Variants in CHD6 observed in about 807,000 individuals in gnomAD.
CHD6 encodes ATP-dependent chromatin remodeler CHD6.
CHD6 carries 50 observed loss-of-function variants against 276.9 expected under a neutral mutation model. The ratio of observed to expected loss-of-function variants is 0.18; its 90% CI spans 0.14 to 0.23. The LOEUF (loss-of-function observed/expected upper bound fraction) is 0.23, where lower values mean the gene tolerates loss of function less well. Among genes scored for constraint, CHD6 ranks in the 10% least tolerant of loss-of-function variants. The pLI is 1.00. For missense variants in CHD6, 2,564 were observed against 3,365.8 expected, an observed-to-expected ratio of 0.76 and a Z score of 5.89; for synonymous variants, 1,173 against 1,229.3, an observed-to-expected ratio of 0.95 and a Z score of 0.96.
At position 41,420,809 on chromosome 20, in the gene CHD6, G is replaced by A; in HGVS notation, c.5826C>T (p.His1942=). 6.2e-7 allele frequency: 1 copy of A among 1,614,186 alleles called. No homozygotes were observed. The highest frequency in any genetic ancestry group is 8.5e-7 in the Non-Finnish European group (1 of 1,180,040). Reference sequence around the variant, plus strand: ...CGAGGCCATGCATCCACCTCTCCATGTGTTTGCAGTGGCACTGACAGGCTG... The same window carrying A: ...CGAGGCCATGCATCCACCTCTCCATATGTTTGCAGTGGCACTGACAGGCTG... ...APAACQCHCK[H]MERWMHGLEN... is the part of the protein sequence containing the mutation. Residue 1942 remains histidine (H), a synonymous_variant, in exon 31 of 37, where the codon CAC becomes CAT. Coordinates refer to ENST00000373233, the MANE Select transcript of CHD6 (RefSeq NM_032221.5).
chr20:41,587,774 C>CAGTCA (rs1387004064), intron 1 of CHD6, among the ~76,000 whole-genome samples: 1 of 152,056 alleles, frequency 6.6e-6, no homozygotes, highest in Non-Finnish European at 1.5e-5. Flanking sequence ...AACCCAAGAG[C>CAGTCA]AGTCAATGCC....
chr20:41,564,191 A>G (rs1224177717), intron 1 of CHD6: 1 of 665,084 alleles, frequency 1.5e-6, no homozygotes, highest in Non-Finnish European at 2.7e-6. Context: ...TGAAATGAGA[A>G]GCCATCTACA....
chr20:41,578,842 A>G (rs1429304833), intron 1 of CHD6, among the ~76,000 whole-genome samples: 1 of 151,032 alleles, frequency 6.6e-6, no homozygotes, highest in East Asian at 2.0e-4. Context: ...CAACCTAGAC[A>G]ACATAGCAAG....
intron 3 of CHD6, among the ~76,000 whole-genome samples, chr20:41,520,766 C>G (rs1420841538): frequency 2.6e-5 from 4 of 151,786 alleles, no homozygotes; most frequent in Non-Finnish European, 5.9e-5. Flanking sequence ...CACATGTATA[C>G]ATATGTAACT....
intron 18 of CHD6, among the ~76,000 whole-genome samples, chr20:41,456,367 A>C (rs1413392224): frequency 1.3e-5 from 2 of 151,996 alleles, no homozygotes; most frequent in East Asian, 1.9e-4. Flanking sequence ...AAGAACAATG[A>C]TTTATTCATT....
At chr20:41,467,920 T>C (rs760144473) in intron 17 of CHD6, among the ~76,000 whole-genome samples, 1 of 152,150 alleles carries the variant, frequency 6.6e-6, no homozygotes, top group Non-Finnish European at 1.5e-5. Context: ...TGTCCCATCC[T>C]GTGCTTCAGA....
intron 17 of CHD6, among the ~76,000 whole-genome samples, chr20:41,462,610 C>A (rs542590994): frequency 6.6e-6 from 1 of 152,064 alleles, no homozygotes; most frequent in African/African-American, 2.4e-5. Flanking sequence ...AGGAGGAAAA[C>A]TAAAATAAAC....
At chr20:41,512,815 CA>C in intron 5 of CHD6, 30 bp downstream of exon 5, 1 of 1,612,660 alleles carries the variant, frequency 6.2e-7, no homozygotes, top group South Asian at 1.1e-5. Flanking sequence ...ACTGTCCAGC[CA>C]AGGTCAGTAA....
chr20:41,470,712 C>A (rs1173727713), intron 17 of CHD6, among the ~76,000 whole-genome samples: 1 of 152,254 alleles, frequency 6.6e-6, no homozygotes, highest in Non-Finnish European at 1.5e-5. Flanking sequence ...GGTTGCTACA[C>A]ATATAAATCA....
chr20:41,499,116 GT>G lies in CHD6; in HGVS notation c.915+178del, dbSNP rs1460184908. 3.3e-5 allele frequency among the ~76,000 whole-genome samples: 5 copies of G among 152,026 alleles called. No individual in the cohort carries two copies. In the East Asian group the frequency reaches 7.7e-4, roughly 23 times the overall value. ...TTGAGCCATTCTAGATATTTTAAGA[GT>G]TTTATGTCCTAAAATGCTCTACAGG... On this transcript the variant is annotated intron_variant, in intron 6 of 36. Transcript: ENST00000373233.
chr20:41,452,698 C>T lies in CHD6; in HGVS notation c.3323+42G>A, dbSNP rs751550545. Reference sequence around the variant, plus strand: ...TCAGGGACTGAAAAACAGAGGGGAACAAACAACAATAACAACAAAACTAAG... The same window carrying T: ...TCAGGGACTGAAAAACAGAGGGGAATAAACAACAATAACAACAAAACTAAG... On this transcript the variant is annotated intron_variant, in intron 21 of 36. Transcript: ENST00000373233. This position sits in a 1 kb window ranked among gnomAD's most constrained non-coding sequence, Gnocchi z 4.2. 12 of 1,565,754 alleles carry T rather than the reference C, an allele frequency of 7.7e-6. No individual in the cohort carries two copies. Among genetic ancestry groups the T allele is most frequent in the Non-Finnish European group, 1.0e-5 (12 of 1,143,782 alleles).
intron 27 of CHD6, among the ~76,000 whole-genome samples, chr20:41,431,299 C>T (rs2047529787): frequency 6.6e-6 from 1 of 152,124 alleles, no homozygotes. Flanking sequence ...AGGGATGAAG[C>T]CATTGTTACT....
In CHD6 at chr20:41,555,805, C is replaced by T. The variant is rs1200525962; in HGVS notation, c.-23-4445G>A. Reference sequence around the variant, plus strand: ...GCAGAGGGGCTCCTCACGTCCCAGACGATGGGCGGCCAGGCAGAGACGCTC... The same window carrying T: ...GCAGAGGGGCTCCTCACGTCCCAGATGATGGGCGGCCAGGCAGAGACGCTC... On this transcript the variant is annotated intron_variant, in intron 1 of 36. Coordinates refer to ENST00000373233, the MANE Select transcript of CHD6 (RefSeq NM_032221.5). Among the ~76,000 whole-genome samples, 385 of 147,880 alleles carry T rather than the reference C, an allele frequency of 2.6e-3. 2 individuals are homozygous for T. The highest frequency in any genetic ancestry group is 4.3e-3 in the Non-Finnish European group (286 of 67,072).
intron 2 of CHD6, among the ~76,000 whole-genome samples, chr20:41,538,288 T>G (rs2044874812): frequency 6.6e-6 from 1 of 151,948 alleles, no homozygotes; most frequent in Non-Finnish European, 1.5e-5. Context: ...GAGGCGGAGG[T>G]TGCAGTGAGC....
At chr20:41,505,523 C>G (rs1262442395) in intron 5 of CHD6, among the ~76,000 whole-genome samples, 1 of 152,206 alleles carries the variant, frequency 6.6e-6, no homozygotes, top group Non-Finnish European at 1.5e-5. Context: ...GAGAAGAAAA[C>G]AGCCAGCCAT....
intron 17 of CHD6, among the ~76,000 whole-genome samples, chr20:41,460,778 A>G (rs987744903): frequency 6.6e-6 from 1 of 152,316 alleles, no homozygotes; most frequent in Admixed American, 6.5e-5. Context: ...GTGGGGTCGG[A>G]GCCCCCACAC....
At chr20:41,589,945 C>T (rs548608542) in intron 1 of CHD6, among the ~76,000 whole-genome samples, 24 of 152,236 alleles carry the variant, frequency 1.6e-4, no homozygotes, top group Admixed American at 9.8e-4. Flanking sequence ...GGAGGCATCA[C>T]GCTACCTGAC....
At chr20:41,424,207 C>T (rs1375252710) in intron 29 of CHD6, among the ~76,000 whole-genome samples, 1 of 152,206 alleles carries the variant, frequency 6.6e-6, no homozygotes, top group Admixed American at 6.5e-5. Flanking sequence ...ACCCCTGCCT[C>T]CCCATCTCAT....
intron 3 of CHD6, among the ~76,000 whole-genome samples, chr20:41,515,180 T>C (rs951483730): frequency 6.6e-6 from 1 of 152,180 alleles, no homozygotes; most frequent in Non-Finnish European, 1.5e-5. Flanking sequence ...ATAGCTACAA[T>C]TAATATGTAA....
Sources: gnomAD v4.1 joint callset for allele counts (sites outside exome capture counted in the v4.1 genomes callset) on GRCh38, gnomAD v4.1.1 for gene constraint, Gnocchi (gnomAD v3.1) non-coding constraint, MANE v1.5 for transcripts, NCBI Gene and HGNC (gene_info 2026-07-23, HGNC 2026-07-21) for gene names.